DLGAP1: variants seen among roughly 807,000 people sequenced by gnomAD.
DLGAP1 encodes DLG associated protein 1, also known as disks large-associated protein 1.
Under a neutral mutation model 90.8 loss-of-function variants are expected in DLGAP1, and 11 were observed. That is an observed-to-expected ratio of 0.12 (90% confidence interval 0.08 to 0.20). The LOEUF is 0.20. Ranked by LOEUF, DLGAP1 falls within the 10% of genes least tolerant of loss-of-function variation. The pLI is 1.00. For synonymous variants in DLGAP1, 558 were observed against 540.7 expected (o/e 1.03, Z -0.44); for missense variants, 1,050 against 1,333.8 (o/e 0.79, Z 3.31).
At chr18:3,874,386 CTGTT>C in intron 4 of DLGAP1, 1 of 1,463,860 alleles carries the variant, frequency 6.8e-7, no homozygotes, top group South Asian at 1.5e-5. Context: ...GCAAAATACA[CTGTT>C]TGAAGGGATT....
intron 3 of DLGAP1, among the ~76,000 whole-genome samples, chr18:3,946,743 G>A (rs1257187623): frequency 6.6e-6 from 1 of 152,006 alleles, no homozygotes; most frequent in African/African-American, 2.4e-5. Context: ...GTGGCACCAA[G>A]GTTATTCATA....
chr18:4,030,399 A>AATGACCTT (rs775467646), intron 2 of DLGAP1, among the ~76,000 whole-genome samples: 54 of 152,220 alleles, frequency 3.5e-4, no homozygotes, highest in Admixed American at 3.3e-4. Flanking sequence ...ATACCCTGAG[A>AATGACCTT]ATGACCTTAT....
At chr18:4,398,968 A>G (rs925301495) in intron 1 of DLGAP1, among the ~76,000 whole-genome samples, 2 of 152,152 alleles carry the variant, frequency 1.3e-5, no homozygotes, top group African/African-American at 4.8e-5. Context: ...AGTAGCTGGG[A>G]CTACAAGCGC....
chr18:3,555,535 G>A (rs1599214280), intron 9 of DLGAP1, among the ~76,000 whole-genome samples: 1 of 152,262 alleles, frequency 6.6e-6, no homozygotes, highest in Non-Finnish European at 1.5e-5. Context: ...TTGAGGCCGG[G>A]GGCAGTGGCT....
chr18:3,912,090 C>A (rs867459370), intron 3 of DLGAP1, among the ~76,000 whole-genome samples: 2 of 152,162 alleles, frequency 1.3e-5, no homozygotes, highest in Non-Finnish European at 1.5e-5. Flanking sequence ...CCCCAAGAAA[C>A]AACAAAGGAT....
chr18:4,084,013 T>C lies in DLGAP1; in HGVS notation c.-159+67167A>G, dbSNP rs1403135047. Among the ~76,000 whole-genome samples, 1 of 152,072 alleles carries C rather than the reference T, an allele frequency of 6.6e-6. No homozygotes were observed. Among genetic ancestry groups the C allele is most frequent in the Non-Finnish European group, 1.5e-5 (1 of 68,008 alleles). Reference sequence around the variant, plus strand: ...CTTGGAGAATGAGTGCAAGGTTTTATTGAGTGGTGGAAGTAGCTCCAGAAG... The same window carrying C: ...CTTGGAGAATGAGTGCAAGGTTTTACTGAGTGGTGGAAGTAGCTCCAGAAG... On this transcript the variant is annotated intron_variant, in intron 2 of 12. Coordinates refer to ENST00000315677, the MANE Select transcript of DLGAP1 (RefSeq NM_004746.4). The surrounding 1 kb of genome is among the most constrained non-coding windows in gnomAD (Gnocchi z 4.0).
At chr18:3,998,586 T>C (rs917693994) in intron 3 of DLGAP1, among the ~76,000 whole-genome samples, 1 of 152,166 alleles carries the variant, frequency 6.6e-6, no homozygotes, top group Non-Finnish European at 1.5e-5. Context: ...CGTTCCATCT[T>C]TTCAGAGAAC....
At chr18:3,726,833 A>C (rs1345755739) in intron 7 of DLGAP1, among the ~76,000 whole-genome samples, 1 of 152,156 alleles carries the variant, frequency 6.6e-6, no homozygotes, top group Non-Finnish European at 1.5e-5. Context: ...AGCCTTCCCC[A>C]AGAGAGTTGA....
intron 1 of DLGAP1, among the ~76,000 whole-genome samples, chr18:4,297,754 C>G (rs1392257168): frequency 6.6e-6 from 1 of 152,100 alleles, no homozygotes; most frequent in Non-Finnish European, 1.5e-5. Context: ...TCTCCTCTCT[C>G]TCTCTCAATC....
At chr18:3,743,973 C>A (rs1470769314) in intron 5 of DLGAP1, among the ~76,000 whole-genome samples, 2 of 152,124 alleles carry the variant, frequency 1.3e-5, no homozygotes, top group Admixed American at 1.3e-4. Context: ...TTTAAAGTTT[C>A]TTTTCACATG....
intron 1 of DLGAP1, among the ~76,000 whole-genome samples, chr18:4,288,712 G>T (rs182042027): frequency 6.6e-6 from 1 of 152,090 alleles, no homozygotes; most frequent in Non-Finnish European, 1.5e-5. Flanking sequence ...TCATTTCAAC[G>T]TGGGGCACAC....
intron 2 of DLGAP1, among the ~76,000 whole-genome samples, chr18:4,137,397 A>G (rs746769216): frequency 9.2e-5 from 14 of 152,086 alleles, no homozygotes; most frequent in Admixed American, 2.0e-4. Context: ...TCTCCAATAT[A>G]TGTTCTTGGT....
At chr18:3,758,576 T>TAAG (rs1598617681) in intron 5 of DLGAP1, among the ~76,000 whole-genome samples, 1 of 152,252 alleles carries the variant, frequency 6.6e-6, no homozygotes, top group Non-Finnish European at 1.5e-5. Flanking sequence ...TGCCCTCTTA[T>TAAG]GGTTGCTTGC....
intron 1 of DLGAP1, among the ~76,000 whole-genome samples, chr18:4,280,233 A>T (rs542041557): frequency 6.6e-6 from 1 of 152,186 alleles, no homozygotes; most frequent in Admixed American, 6.5e-5. Flanking sequence ...TCATGATATA[A>T]TTTTAATAAA....
intron 5 of DLGAP1, among the ~76,000 whole-genome samples, chr18:3,783,295 C>T (rs574937181): frequency 1.2e-4 from 19 of 152,302 alleles, no homozygotes; most frequent in African/African-American, 3.6e-4. Context: ...AATTCTGCTC[C>T]TAGCTATATA....
chr18:4,411,346 A>G (rs2082773120), intron 1 of DLGAP1, among the ~76,000 whole-genome samples: 1 of 152,200 alleles, frequency 6.6e-6, no homozygotes, highest in Admixed American at 6.5e-5. Context: ...AAAACTTTTA[A>G]TGGCAGAAAA....
intron 3 of DLGAP1, among the ~76,000 whole-genome samples, chr18:3,894,434 T>G (rs554929118): frequency 2.6e-4 from 39 of 152,316 alleles, no homozygotes; most frequent in African/African-American, 8.2e-4. Flanking sequence ...CACATGACTA[T>G]CCAATTTTCT....
rs763595148 is a variant in DLGAP1, at chr18:3,581,831, A to G, written c.1965+44T>C. 3 of 1,595,700 alleles carry G rather than the reference A, an allele frequency of 1.9e-6. No homozygotes were observed. In the South Asian group the frequency reaches 3.3e-5, roughly 18 times the overall value. ...GGAAACAAAAAGTGTTACATTCCTTAGTTTTAAGTTCCTATTTCAAAGGAT... is the reference window on the plus strand; with the variant it reads ...GGAAACAAAAAGTGTTACATTCCTTGGTTTTAAGTTCCTATTTCAAAGGAT... On this transcript the variant is annotated intron_variant, in intron 8 of 12. Coordinates refer to ENST00000315677, the MANE Select transcript of DLGAP1 (RefSeq NM_004746.4).
chr18:3,822,129 A>C (rs1394593650), intron 4 of DLGAP1: 1 of 431,424 alleles, frequency 2.3e-6, no homozygotes, highest in Non-Finnish European at 3.1e-6. Context: ...TTCCCTGGCA[A>C]CCGCCCTTTC....
Sources: allele counts gnomAD v4.1 joint callset (sites outside exome capture counted in the v4.1 genomes callset), GRCh38; gene constraint gnomAD v4.1.1; non-coding constraint Gnocchi (gnomAD v3.1); transcripts MANE v1.5; gene names NCBI Gene and HGNC (gene_info 2026-07-23, HGNC 2026-07-21).